TF: variants seen among roughly 807,000 people sequenced by gnomAD.
TF encodes transferrin, also known as serotransferrin.
In TF, 55 loss-of-function variants were observed where a neutral mutation model predicts 82.4. That is an observed-to-expected ratio of 0.67 (90% confidence interval 0.54 to 0.84). The LOEUF (loss-of-function observed/expected upper bound fraction) is 0.84. Ranked by LOEUF, TF falls within the 40% of genes least tolerant of loss-of-function variation. The probability of loss-of-function intolerance (pLI) is 0.00; values close to 1 mark genes in which losing one functional copy is unlikely to be tolerated. For synonymous variants in TF, 332 were observed against 332.6 expected, an observed-to-expected ratio of 1.00 and a Z score of 0.02; for missense variants, 737 against 868.4, an observed-to-expected ratio of 0.85 and a Z score of 1.90.
the TF span, among the ~76,000 whole-genome samples, chr3:133,668,658 A>G: frequency 6.6e-6 from 1 of 152,086 alleles, no homozygotes; most frequent in South Asian, 2.1e-4. Context: ...TGTCCCACCC[A>G]TACCCCCTCA....
chr3:133,707,108 GA>G, the TF span, among the ~76,000 whole-genome samples: 1 of 151,802 alleles, frequency 6.6e-6, no homozygotes, highest in Non-Finnish European at 1.5e-5. Flanking sequence ...ATACTTAGAG[GA>G]TGGTTTAGTC....
the TF span, among the ~76,000 whole-genome samples, chr3:133,719,506 C>T: frequency 3.9e-5 from 6 of 152,096 alleles, no homozygotes; most frequent in Non-Finnish European, 8.8e-5. Flanking sequence ...CTTGTGGTGT[C>T]TCCCTCCCAC....
At chr3:133,683,671 A>G in the TF span, among the ~76,000 whole-genome samples, 1 of 152,208 alleles carries the variant, frequency 6.6e-6, no homozygotes, top group African/African-American at 2.4e-5. Flanking sequence ...ATATATACAC[A>G]CCCAATACAG....
At chr3:133,731,424 C>G in the TF span, among the ~76,000 whole-genome samples, 2,419 of 152,332 alleles carry the variant, frequency 0.016, 61 homozygotes, top group African/African-American at 0.054. Flanking sequence ...TTCCATCTTG[C>G]TGGACAGCCT....
chr3:133,749,095 A>T (rs1933592284), intron 2 of TF, among the ~76,000 whole-genome samples: 1 of 152,190 alleles, frequency 6.6e-6, no homozygotes, highest in Non-Finnish European at 1.5e-5. Context: ...GGGGAGGCAG[A>T]GGTTGCAGTG....
At chr3:133,713,004 G>T in the TF span, among the ~76,000 whole-genome samples, 1 of 152,194 alleles carries the variant, frequency 6.6e-6, no homozygotes, top group Non-Finnish European at 1.5e-5. Context: ...AGACCCAGAT[G>T]ATTTAGGGCA....
chr3:133,672,781 G>C, the TF span, among the ~76,000 whole-genome samples: 2 of 143,088 alleles, frequency 1.4e-5, no homozygotes, highest in African/African-American at 5.2e-5. Context: ...GAAGGGGAGG[G>C]GGACAGAAAA....
In TF at chr3:133,764,921, G is replaced by A; in HGVS notation, c.1330+14G>A. The A allele has an allele frequency of 6.2e-7, 1 of 1,613,202 alleles. No homozygotes were observed. Among genetic ancestry groups the A allele is most frequent in the Middle Eastern group, 1.7e-4 (1 of 6,058 alleles). On this transcript the variant is annotated intron_variant, in intron 11 of 16. Transcript: ENST00000402696. Reference sequence around the variant, plus strand: ...CACCAGAGGCAGGTGAGTTTGAATTGGTAACCTCTGGAGTTAAAAGATAAA... The same window carrying A: ...CACCAGAGGCAGGTGAGTTTGAATTAGTAACCTCTGGAGTTAAAAGATAAA...
chr3:133,721,376 A>G, the TF span, among the ~76,000 whole-genome samples: 1 of 152,268 alleles, frequency 6.6e-6, no homozygotes, highest in Admixed American at 6.5e-5. Context: ...CATGATGTTT[A>G]ATATATATGT....
chr3:133,725,861 C>T, the TF span, among the ~76,000 whole-genome samples: 1 of 152,112 alleles, frequency 6.6e-6, no homozygotes, highest in African/African-American at 2.4e-5. Flanking sequence ...GAGTTTTTAG[C>T]ATGAAGGGTT....
the TF span, among the ~76,000 whole-genome samples, chr3:133,672,311 C>A: frequency 6.6e-6 from 1 of 152,130 alleles, no homozygotes; most frequent in Non-Finnish European, 1.5e-5. Context: ...GCTATTCTTA[C>A]ACAGTATCTT....
the TF span, among the ~76,000 whole-genome samples, chr3:133,732,454 A>G: frequency 1.4e-3 from 216 of 152,346 alleles, no homozygotes; most frequent in African/African-American, 5.0e-3. Context: ...ACCAATCAGC[A>G]GGATGTGGGT....
In TF at chr3:133,779,091, C is replaced by T. The variant is rs1203617743; in HGVS notation, c.*471C>T. 5.6e-6 allele frequency: 1 copy of T among 177,082 alleles called. No homozygotes were observed. The highest frequency in any genetic ancestry group is 1.2e-5 in the Non-Finnish European group (1 of 82,656). The allele number at this position is 177,082 out of a possible 1,614,324, so 11.0% of individuals were successfully genotyped here. A position where few individuals can be genotyped will look rare whatever the true frequency, so the allele number is the denominator to read the frequency against. Reference sequence around the variant, plus strand: ...AGGATGCAGAGTGAGTTACAGAGATCAAGTACTCAAGTGAGTACAGAAAGA... The same window carrying T: ...AGGATGCAGAGTGAGTTACAGAGATTAAGTACTCAAGTGAGTACAGAAAGA... On this transcript the variant is annotated 3_prime_UTR_variant, in exon 17 of 17. Coordinates refer to ENST00000402696, the MANE Select transcript of TF (RefSeq NM_001063.4).
chr3:133,754,224 A>G (rs1933760866), intron 3 of TF: 2 of 488,684 alleles, frequency 4.1e-6, no homozygotes, highest in Non-Finnish European at 7.5e-6. Context: ...GACACGCTGC[A>G]GGGCCAGGGG....
chr3:133,667,356 C>CAAAA, the TF span, among the ~76,000 whole-genome samples: 1 of 128,044 alleles, frequency 7.8e-6, no homozygotes, highest in African/African-American at 3.0e-5. Context: ...GACTCTGACT[C>CAAAA]AAAAAAAAAA....
In TF at chr3:133,792,273, T is replaced by G. The variant is rs1934858508; in HGVS notation, c.*13653T>G. 1.3e-5 allele frequency: 2 copies of G among 152,172 alleles called. No individual in the cohort carries two copies. Among genetic ancestry groups the G allele is most frequent in the Admixed American group, 1.3e-4 (2 of 15,270 alleles). The allele number at this position is 152,172 out of a possible 1,614,324, so 9.4% of individuals were successfully genotyped here. A position where few individuals can be genotyped will look rare whatever the true frequency, so the allele number is the denominator to read the frequency against. ...GTCCTAAAGTAAAATAAGCGGTTGTTAAAAAAGAGGGATGTTTAGGACAAG... is the reference window on the plus strand; with the variant it reads ...GTCCTAAAGTAAAATAAGCGGTTGTGAAAAAAGAGGGATGTTTAGGACAAG... On this transcript the variant is annotated 3_prime_UTR_variant, in exon 17 of 17. Transcript: ENST00000402696.
the TF span, among the ~76,000 whole-genome samples, chr3:133,669,689 G>A: frequency 2.6e-5 from 4 of 152,284 alleles, no homozygotes; most frequent in South Asian, 2.1e-4. Context: ...TCTCAGCCTG[G>A]ATCTCTGAAT....
chr3:133,696,437 A>C, the TF span, among the ~76,000 whole-genome samples: 1 of 152,210 alleles, frequency 6.6e-6, no homozygotes, highest in Admixed American at 6.5e-5. Context: ...GATTTCCGGC[A>C]TCCACTGTGG....
chr3:133,666,914 T>C, the TF span, among the ~76,000 whole-genome samples: 1 of 152,028 alleles, frequency 6.6e-6, no homozygotes, highest in Non-Finnish European at 1.5e-5. Flanking sequence ...CGGGCGCCTG[T>C]AGTCCCAGCT....
Sources: allele counts gnomAD v4.1 joint callset (sites outside exome capture counted in the v4.1 genomes callset), GRCh38; gene constraint gnomAD v4.1.1; transcripts MANE v1.5; gene names NCBI Gene and HGNC (gene_info 2026-07-23, HGNC 2026-07-21).